SORCS3: variants seen among roughly 807,000 people sequenced by gnomAD.
SORCS3 encodes the protein VPS10 domain-containing receptor SorCS3.
SORCS3 carries 57 observed loss-of-function variants against 146.3 expected under a neutral mutation model. The observed-to-expected ratio is 0.39, with a 90% confidence interval of 0.31 to 0.49. The LOEUF is 0.49. SORCS3 is among the 20% of genes least tolerant of loss of function. The pLI, the probability that SORCS3 is intolerant of heterozygous loss-of-function variation, is 0.92. For missense variants in SORCS3, 1,341 were observed against 1,575.5 expected (o/e 0.85, Z 2.52); for synonymous variants, 653 against 618.5 (o/e 1.06, Z -0.83).
At chr10:104,856,922 G>A (rs889129791) in intron 2 of SORCS3, among the ~76,000 whole-genome samples, 1 of 148,842 alleles carries the variant, frequency 6.7e-6, no homozygotes, top group Non-Finnish European at 1.5e-5. Context: ...GGGAGAGAGA[G>A]ACCACTGTTA....
chr10:104,948,877 A>G (rs1030085911), intron 3 of SORCS3, among the ~76,000 whole-genome samples: 2 of 152,128 alleles, frequency 1.3e-5, no homozygotes, highest in African/African-American at 4.8e-5. Flanking sequence ...TCCTTTTGCC[A>G]TTACCCTCAT....
intron 1 of SORCS3, among the ~76,000 whole-genome samples, chr10:104,682,339 A>G (rs2015988218): frequency 6.6e-6 from 1 of 152,126 alleles, no homozygotes; most frequent in Non-Finnish European, 1.5e-5. Flanking sequence ...CATGGCCTGG[A>G]CTCTTGCACG....
intron 3 of SORCS3, among the ~76,000 whole-genome samples, chr10:104,939,018 A>G (rs1030523274): frequency 6.6e-6 from 1 of 152,202 alleles, no homozygotes; most frequent in Non-Finnish European, 1.5e-5. Context: ...GAACTTGGCT[A>G]CTGCATTCTG....
chr10:104,797,817 A>G (rs1308246272), intron 1 of SORCS3, among the ~76,000 whole-genome samples: 2 of 152,166 alleles, frequency 1.3e-5, no homozygotes, highest in African/African-American at 4.8e-5. Context: ...AGACACTTCC[A>G]AAGATAAGAA....
At chr10:105,220,493 G>A (rs1378035846) in intron 19 of SORCS3, among the ~76,000 whole-genome samples, 1 of 152,190 alleles carries the variant, frequency 6.6e-6, no homozygotes, top group Non-Finnish European at 1.5e-5. Context: ...ATGAACCATA[G>A]CTGCATCATT....
intron 5 of SORCS3, among the ~76,000 whole-genome samples, chr10:105,079,467 G>A (rs569818906): frequency 4.6e-5 from 7 of 152,312 alleles, no homozygotes; most frequent in Non-Finnish European, 7.3e-5. Context: ...GAGAAAGTTT[G>A]TGATGTGAAT....
chr10:105,060,324 G>A (rs547428464), intron 5 of SORCS3, among the ~76,000 whole-genome samples: 1 of 152,258 alleles, frequency 6.6e-6, no homozygotes, highest in Admixed American at 6.5e-5. Flanking sequence ...AAGAAGTTCG[G>A]ATTCTATGCT....
intron 4 of SORCS3, among the ~76,000 whole-genome samples, chr10:105,020,551 T>C (rs1022984164): frequency 4.6e-5 from 7 of 152,146 alleles, no homozygotes; most frequent in African/African-American, 1.2e-4. Context: ...CTATGGTAAA[T>C]TAGAGAGCAC....
chr10:104,645,264 G>A (rs1259746314), intron 1 of SORCS3, among the ~76,000 whole-genome samples: 1 of 152,172 alleles, frequency 6.6e-6, no homozygotes, highest in Non-Finnish European at 1.5e-5. Context: ...GGGTTAGAGA[G>A]TGTTTCAAAA....
At chr10:104,696,353 T>TATACACATATATATA (rs1225186661) in intron 1 of SORCS3, among the ~76,000 whole-genome samples, 5 of 264 alleles carry the variant, frequency 0.019, 2 homozygotes, top group African/African-American at 0.053. Flanking sequence ...ATATATATCA[T>TATACACATATATATA]ATATATATCA....
At position 105,201,167 on chromosome 10, in the gene SORCS3, G is replaced by A. The variant is rs959115680; in HGVS notation, c.2175G>A (p.Lys725=). 6 of 1,613,058 alleles carry A rather than the reference G, an allele frequency of 3.7e-6. No homozygotes were observed. The highest frequency in any genetic ancestry group is 2.7e-5 in the African/African-American group (2 of 75,002). Residue 725 remains lysine, a synonymous_variant, in exon 16 of 27, where the codon AAG becomes AAA. Transcript: ENST00000369701. ...MGERKIFKKR[K]PGAQCALGRD... ...AAAGGAAAATATTCAAGAAACGTAA[G>A]CCAGGAGCTCAGTGTGCCCTGGGCC...
At chr10:104,727,644 T>C (rs1454136383) in intron 1 of SORCS3, among the ~76,000 whole-genome samples, 1 of 152,060 alleles carries the variant, frequency 6.6e-6, no homozygotes, top group Non-Finnish European at 1.5e-5. Flanking sequence ...CGTGTGTGTG[T>C]GCATCTCCTT....
chr10:104,813,715 G>C (rs2017764649), intron 1 of SORCS3, among the ~76,000 whole-genome samples: 1 of 152,174 alleles, frequency 6.6e-6, no homozygotes, highest in African/African-American at 2.4e-5. Context: ...AGATGCTCCA[G>C]GGGCTGGCAA....
intron 4 of SORCS3, among the ~76,000 whole-genome samples, chr10:104,998,301 A>G (rs1370509452): frequency 1.3e-5 from 2 of 151,932 alleles, no homozygotes; most frequent in African/African-American, 4.8e-5. Flanking sequence ...ACCTCTCTCA[A>G]CCTGCCTCAT....
At chr10:104,967,751 C>G (rs529501874) in intron 3 of SORCS3, among the ~76,000 whole-genome samples, 5 of 151,712 alleles carry the variant, frequency 3.3e-5, no homozygotes, top group Admixed American at 3.3e-4. Flanking sequence ...CTCCACTGCC[C>G]GGGCTCAAGC....
intron 1 of SORCS3, among the ~76,000 whole-genome samples, chr10:104,817,892 G>C (rs1472569508): frequency 6.6e-6 from 1 of 151,698 alleles, no homozygotes; most frequent in Non-Finnish European, 1.5e-5. Context: ...TGCCAAGCAT[G>C]CTGGCCCTGA....
At chr10:105,242,762 T>G (rs191827919) in intron 20 of SORCS3, among the ~76,000 whole-genome samples, 1 of 102,048 alleles carries the variant, frequency 9.8e-6, no homozygotes, top group Non-Finnish European at 1.7e-5. Flanking sequence ...ATTTATATTT[T>G]ATATATTTTA....
intron 3 of SORCS3, among the ~76,000 whole-genome samples, chr10:104,923,310 T>C (rs2019106724): frequency 6.6e-6 from 1 of 152,248 alleles, no homozygotes; most frequent in East Asian, 1.9e-4. Flanking sequence ...TAGCTCTTAG[T>C]TATATGACTA....
intron 5 of SORCS3, among the ~76,000 whole-genome samples, chr10:105,062,867 T>A (rs1335328610): frequency 6.6e-6 from 1 of 152,164 alleles, no homozygotes; most frequent in East Asian, 1.9e-4. Flanking sequence ...CCAGGCTCCA[T>A]CAGACACCTT....
Sources: gnomAD v4.1 joint callset for allele counts (sites outside exome capture counted in the v4.1 genomes callset) on GRCh38, gnomAD v4.1.1 for gene constraint, MANE v1.5 for transcripts, NCBI Gene and HGNC (gene_info 2026-07-23, HGNC 2026-07-21) for gene names.